The following SPATA6L variants were observed in gnomAD, a reference collection of about 807,000 sequenced individuals.
SPATA6L encodes the protein spermatogenesis associated 6 like, also known as spermatogenesis associated 6-like protein.
In SPATA6L, 68 loss-of-function variants were observed where a neutral mutation model predicts 49.2. The ratio of observed to expected loss-of-function variants is 1.38; its 90% CI spans 1.14 to 1.69. The LOEUF is 1.69. Ranked by LOEUF, SPATA6L falls within the 40% of genes most tolerant of loss-of-function variation. SPATA6L has a pLI of 0.00. For missense variants in SPATA6L, 668 were observed against 464.3 expected (o/e 1.44, Z -4.03); for synonymous variants, 198 against 165.7 (o/e 1.19, Z -1.50).
chr9:4,635,426 A>G (rs2130569430), intron 3 of SPATA6L, 27 bp from the exon 4 acceptor site: 1 of 1,568,992 alleles, frequency 6.4e-7, no homozygotes, highest in East Asian at 2.4e-5. Flanking sequence ...AAAAGCATAA[A>G]TATCTGTATT....
chr9:4,618,196 T>C, intron 8 of SPATA6L, 86 bp from the exon 9 acceptor site: 7 of 1,162,784 alleles, frequency 6.0e-6, no homozygotes, highest in Non-Finnish European at 8.6e-6. Context: ...ACAAGGAAGA[T>C]AACTCGGGCT....
chr9:4,595,497 TA>T (rs1822189341), downstream of SPATA6L, among the ~76,000 whole-genome samples: 1 of 152,212 alleles, frequency 6.6e-6, no homozygotes, highest in Non-Finnish European at 1.5e-5. Flanking sequence ...AACGGCTTCT[TA>T]TTGTCTACAG....
intron 4 of SPATA6L, chr9:4,633,030 C>T (rs10283631): frequency 0.15 from 22,250 of 153,206 alleles, 2,633 homozygotes; most frequent in East Asian, 0.33. Flanking sequence ...AAAAAAGAGA[C>T]GAAGCTGAAT....
intron 5 of SPATA6L, 57 bp from the exon 6 acceptor site, chr9:4,625,623 C>A: frequency 7.9e-7 from 1 of 1,273,672 alleles, no homozygotes; most frequent in Non-Finnish European, 1.1e-6. Context: ...GAAGAAAATT[C>A]AATCAGAATA....
intron 9 of SPATA6L, among the ~76,000 whole-genome samples, chr9:4,614,271 T>A (rs10815036): frequency 0.21 from 31,226 of 152,144 alleles, 4,884 homozygotes; most frequent in African/African-American, 0.42. Flanking sequence ...ACTCTTATAA[T>A]GTGTTTTCTA....
chr9:4,624,528 G>A (rs560895959), intron 6 of SPATA6L, among the ~76,000 whole-genome samples: 1 of 152,094 alleles, frequency 6.6e-6, no homozygotes, highest in Non-Finnish European at 1.5e-5. Context: ...AGGAGTTCGA[G>A]ACCAGCCTGA....
chr9:4,592,314 CA>C (rs35362659), intron 13 of SPATA6L, among the ~76,000 whole-genome samples: 39,991 of 113,862 alleles, frequency 0.35, 5,484 homozygotes, highest in South Asian at 0.4. Context: ...GACTCCATCT[CA>C]AAAAAAAAAA....
In SPATA6L at chr9:4,599,553, A is replaced by G. The variant is rs1419323970; in HGVS notation, c.*1258T>C. ...AATGTCATAAACTGGGTAGCTTACA[A>G]ACTACAGGAATTCATTTCTCACAGT... On this transcript the variant is annotated 3_prime_UTR_variant, in exon 12 of 12. Coordinates refer to ENST00000682582, the MANE Select transcript of SPATA6L (RefSeq NM_001353486.2). 6.6e-6 allele frequency among the ~76,000 whole-genome samples: 1 copy of G among 152,200 alleles called. No individual in the cohort carries two copies. The highest frequency in any genetic ancestry group is 1.5e-5 in the Non-Finnish European group (1 of 68,030).
intron 1 of SPATA6L, 52 bp downstream of exon 1, chr9:4,666,160 C>T: frequency 1.3e-6 from 2 of 1,590,786 alleles, no homozygotes; most frequent in South Asian, 2.2e-5. Context: ...CCACCTGAGA[C>T]TATTTAGAGT....
At chr9:4,598,258 G>T (rs770432703), downstream of SPATA6L, among the ~76,000 whole-genome samples, 35 of 152,110 alleles carry the variant, frequency 2.3e-4, no homozygotes, top group Non-Finnish European at 5.0e-4. Flanking sequence ...GGCTTTGACA[G>T]ATCTGCAACC....
intron 3 of SPATA6L, among the ~76,000 whole-genome samples, chr9:4,650,321 A>AGATGTTATTT (rs1836518202): frequency 6.6e-6 from 1 of 152,196 alleles, no homozygotes; most frequent in African/African-American, 2.4e-5. Flanking sequence ...CTTTCAACTG[A>AGATGTTATTT]GTAACATCTC....
intron 3 of SPATA6L, among the ~76,000 whole-genome samples, chr9:4,640,088 G>C (rs1011569204): frequency 2.0e-5 from 3 of 152,216 alleles, no homozygotes; most frequent in African/African-American, 7.2e-5. Context: ...ATTAAGCCCT[G>C]TTAAGTGAAT....
chr9:4,625,542 G>T lies in SPATA6L; in HGVS notation c.454C>A (p.Pro152Thr). 6.3e-7 allele frequency: 1 copy of T among 1,587,266 alleles called. No individual in the cohort carries two copies. The highest frequency in any genetic ancestry group is 8.6e-7 in the Non-Finnish European group (1 of 1,168,686). The change falls in exon 6 of 12, where the codon CCT becomes ACT. Residue 152 changes from proline to threonine, a missense_variant. Transcript: ENST00000682582. ...FLEERHESRRPLSTSHEPIFP... is the reference protein window; with the variant it reads ...FLEERHESRRTLSTSHEPIFP... The stretch of plus-strand genomic sequence containing the variant: ...ATTGGTTCATGTGATGTAGATAAAG[G>T]CCTCCGTGACTCATGTCTTTCTTCC...
At chr9:4,661,817 T>C in intron 2 of SPATA6L, 82 bp downstream of exon 2, 1 of 1,497,996 alleles carries the variant, frequency 6.7e-7, no homozygotes. Flanking sequence ...ATTTACCAAA[T>C]AATGCTGTAA....
rs1366196519 is a variant in SPATA6L, at chr9:4,624,954, G to T, written c.669+373C>A. Reference sequence around the variant, plus strand: ...TGTAGTTTTCTTTAAAACTGATGAAGCTTTAGTTTTGGATTGATATAGAGT... The same window carrying T: ...TGTAGTTTTCTTTAAAACTGATGAATCTTTAGTTTTGGATTGATATAGAGT... On this transcript the variant is annotated intron_variant, in intron 6 of 11. Coordinates refer to ENST00000682582, the MANE Select transcript of SPATA6L (RefSeq NM_001353486.2). 2.0e-5 allele frequency among the ~76,000 whole-genome samples: 3 copies of T among 152,152 alleles called. No individual in the cohort carries two copies. The East Asian group carries it at 5.8e-4, about 29-fold the overall frequency.
At chr9:4,663,917 T>C (rs968448899) in intron 1 of SPATA6L, 1 of 167,054 alleles carries the variant, frequency 6.0e-6, no homozygotes, top group African/African-American at 2.4e-5. Context: ...AATACTTGTC[T>C]TTCTCTCCTC....
chr9:4,630,626 C>T (rs1466534004), intron 4 of SPATA6L, among the ~76,000 whole-genome samples: 1 of 152,202 alleles, frequency 6.6e-6, no homozygotes, highest in African/African-American at 2.4e-5. Context: ...AGTAGTCTCT[C>T]CCTCCAGTCT....
At chr9:4,634,490 A>C (rs1313672247) in intron 4 of SPATA6L, among the ~76,000 whole-genome samples, 1 of 152,232 alleles carries the variant, frequency 6.6e-6, no homozygotes, top group African/African-American at 2.4e-5. Flanking sequence ...CTTCATAGAA[A>C]CAGAGGTCCT....
intron 9 of SPATA6L, among the ~76,000 whole-genome samples, chr9:4,617,051 C>T (rs1415776317): frequency 6.6e-6 from 1 of 152,160 alleles, no homozygotes; most frequent in East Asian, 1.9e-4. Context: ...CTGAAAAACA[C>T]TAAGAAGGGA....
Sources: gnomAD v4.1 joint callset for allele counts (sites outside exome capture counted in the v4.1 genomes callset) on GRCh38, gnomAD v4.1.1 for gene constraint, MANE v1.5 for transcripts, NCBI Gene and HGNC (gene_info 2026-07-23, HGNC 2026-07-21) for gene names.